Variants in DHX30 observed in about 807,000 individuals in gnomAD.
DHX30 encodes the protein DExH-box helicase 30.
Under a neutral mutation model 116.9 loss-of-function variants are expected in DHX30, and 4 were observed. The observed-to-expected ratio is 0.03, with a 90% CI of 0.02 to 0.08. The LOEUF is 0.08. Among genes scored for constraint, DHX30 ranks in the 10% least tolerant of loss-of-function variants. The pLI is 1.00. For missense variants in DHX30, 871 were observed against 1,595.1 expected (o/e 0.55, Z 7.73); for synonymous variants, 697 against 651.7 (o/e 1.07, Z -1.06).
chr3:47,803,142 T>C lies in DHX30; in HGVS notation c.-193T>C. 1 of 393,862 alleles carries C rather than the reference T, an allele frequency of 2.5e-6. No homozygotes were observed. Among genetic ancestry groups the C allele is most frequent in the Non-Finnish European group, 4.5e-6 (1 of 222,876 alleles). The allele number at this position is 393,862 out of a possible 1,614,324, so 24.4% of individuals were successfully genotyped here. On this transcript the variant is annotated 5_prime_UTR_variant, in exon 1 of 22. Coordinates refer to ENST00000445061, the MANE Select transcript of DHX30 (RefSeq NM_138615.3). Reference sequence around the variant, plus strand: ...GCGCCGCCGCTGCTGGGAGTTGTAGTCCGGCCGTGGTTGGGGGAGCCGCGG... The same window carrying C: ...GCGCCGCCGCTGCTGGGAGTTGTAGCCCGGCCGTGGTTGGGGGAGCCGCGG...
In DHX30 at chr3:47,849,618, T is replaced by C. The variant is rs1431438028; in HGVS notation, c.3192-12T>C. 16 of 1,614,000 alleles carry C rather than the reference T, an allele frequency of 9.9e-6. No homozygotes were observed. The African/African-American group carries it at 1.3e-4, about 13-fold the overall frequency. ...TCCAAAAGGGTGGCCTCACCAGCCC[T>C]GTGTTCCCTAGGGAGGCCACACGGT... On this transcript the variant is annotated splice_polypyrimidine_tract_variant and intron_variant, in intron 20 of 21. Coordinates refer to ENST00000445061, the MANE Select transcript of DHX30 (RefSeq NM_138615.3).
intron 6 of DHX30, 46 bp from the exon 7 acceptor site, chr3:47,840,831 G>A (rs1179190591): frequency 6.2e-7 from 1 of 1,611,420 alleles, no homozygotes; most frequent in Non-Finnish European, 8.5e-7. Flanking sequence ...GCCGACTGAG[G>A]TGTAAAGATG....
intron 4 of DHX30, chr3:47,819,275 C>G: frequency 7.3e-7 from 1 of 1,367,758 alleles, no homozygotes; most frequent in Non-Finnish European, 9.8e-7. Context: ...GTGAGTGGCT[C>G]TGAGAGTGTC....
At position 47,848,772 on chromosome 3, in the gene DHX30, G is replaced by A. The variant is rs2037738891; in HGVS notation, c.2724G>A (p.Arg908=). The part of the protein sequence containing the change: ...PLLVVVSCLT[R]DPFSSSLQNR... Reference sequence around the variant, plus strand: ...TGGTGGTCGTTTCCTGCCTCACCCGGGACCCCTTCAGCAGCAGCCTACAGA... The same window carrying A: ...TGGTGGTCGTTTCCTGCCTCACCCGAGACCCCTTCAGCAGCAGCCTACAGA... The change falls in exon 17 of 22, where the codon CGG becomes CGA. Residue 908 remains arginine (R), a synonymous_variant. Coordinates refer to ENST00000445061, the MANE Select transcript of DHX30 (RefSeq NM_138615.3). The surrounding 1 kb of genome is among the most constrained non-coding windows in gnomAD (Gnocchi z 9.4). 1 of 1,613,924 alleles carries A rather than the reference G, an allele frequency of 6.2e-7. No homozygotes were observed. The highest frequency in any genetic ancestry group is 8.5e-7 in the Non-Finnish European group (1 of 1,179,950).
At chr3:47,815,742 A>AG (rs2036022511) in intron 3 of DHX30, among the ~76,000 whole-genome samples, 6 of 150,104 alleles carry the variant, frequency 4.0e-5, no homozygotes, top group Non-Finnish European at 1.5e-5. Flanking sequence ...AAAAAAAAAA[A>AG]AAAAAAAAAG....
At chr3:47,830,564 G>T (rs912174299) in intron 6 of DHX30, among the ~76,000 whole-genome samples, 1 of 152,068 alleles carries the variant, frequency 6.6e-6, no homozygotes, top group African/African-American at 2.4e-5. Flanking sequence ...ACCTCCCAAA[G>T]TGCTGGGTTT....
intron 4 of DHX30, among the ~76,000 whole-genome samples, chr3:47,825,612 C>T (rs778844720): frequency 1.9e-4 from 29 of 152,226 alleles, no homozygotes; most frequent in Admixed American, 6.5e-5. Context: ...CCTGGGACAT[C>T]AGGATCTCAA....
chr3:47,847,363 A>G lies in DHX30; in HGVS notation c.2005+15A>G, dbSNP rs756778788. The G allele has an allele frequency of 1.2e-6, 2 of 1,614,016 alleles. No individual in the cohort carries two copies. Among genetic ancestry groups the G allele is most frequent in the African/African-American group, 1.3e-5 (1 of 74,902 alleles). On this transcript the variant is annotated intron_variant, in intron 12 of 21. Coordinates refer to ENST00000445061, the MANE Select transcript of DHX30 (RefSeq NM_138615.3). This position sits in a 1 kb window ranked among gnomAD's most constrained non-coding sequence, Gnocchi z 5.5. ...CGGGGAACCAGGTGGGTGCCTCCCC[A>G]TCTGTCCCATGCTAGCCCTGGCCAC...
In DHX30 at chr3:47,849,245, C is replaced by T; in HGVS notation, c.2983C>T (p.Pro995Ser). 6.2e-7 allele frequency: 1 copy of T among 1,614,136 alleles called. No homozygotes were observed. The highest frequency in any genetic ancestry group is 8.5e-7 in the Non-Finnish European group (1 of 1,180,034). Residue 995 changes from proline (P) to serine (S), a missense_variant, in exon 19 of 22, where the codon CCC becomes TCC. Coordinates refer to ENST00000445061, the MANE Select transcript of DHX30 (RefSeq NM_138615.3). ...NIYEAFLVGK[P>S]SDCTLASAQC... ...TTATGAGGCCTTCCTGGTGGGGAAG[C>T]CCTCGGACTGCACCCTGGCCTCCGC...
In DHX30 at chr3:47,843,254, A is replaced by AGGT. The variant is rs2037459751; in HGVS notation, c.939+1_939+3dup. ...GCAGCCTTGGCCTGCAAGAAACTGA[A>AGGT]GGTGAGTCCAGGAAGGTCCTGGGTG... On this transcript the variant is annotated inframe_insertion and splice_region_variant, in exon 9 of 22. Transcript: ENST00000445061. 1 of 1,614,126 alleles carries AGGT rather than the reference A, an allele frequency of 6.2e-7. No homozygotes were observed. The highest frequency in any genetic ancestry group is 1.3e-5 in the African/African-American group (1 of 74,950).
At chr3:47,834,471 TTTTA>T (rs975690692) in intron 6 of DHX30, among the ~76,000 whole-genome samples, 2 of 152,092 alleles carry the variant, frequency 1.3e-5, no homozygotes, top group Non-Finnish European at 2.9e-5. Flanking sequence ...ATGTTTTTAC[TTTTA>T]TTTATTTATT....
chr3:47,850,147 A>AGAGT lies in DHX30; in HGVS notation c.*29_*32dup. The AGAGT allele has an allele frequency of 2.7e-5, 42 of 1,557,838 alleles. No homozygotes were observed. Among genetic ancestry groups the AGAGT allele is most frequent in the Non-Finnish European group, 3.6e-5 (42 of 1,154,124 alleles). ...CCCTGCTTCTGCTGGGGCTGTGTAC[A>AGAGT]GAGTGCAAATGTTTATTTAAAATAA... On this transcript the variant is annotated 3_prime_UTR_variant, in exon 22 of 22. Transcript: ENST00000445061.
chr3:47,815,365 G>C (rs1280039676), intron 3 of DHX30, among the ~76,000 whole-genome samples: 2 of 152,150 alleles, frequency 1.3e-5, no homozygotes, highest in Non-Finnish European at 2.9e-5. Context: ...TGTGCTGTGA[G>C]GTTGCATGAT....
intron 9 of DHX30, among the ~76,000 whole-genome samples, chr3:47,845,249 A>G (rs1044011784): frequency 2.0e-5 from 3 of 152,086 alleles, no homozygotes; most frequent in Non-Finnish European, 4.4e-5. Context: ...GTGCACCGTC[A>G]TGATCTCGGC....
chr3:47,835,026 T>C (rs1377377232), intron 6 of DHX30, among the ~76,000 whole-genome samples: 1 of 151,914 alleles, frequency 6.6e-6, no homozygotes, highest in African/African-American at 2.4e-5. Flanking sequence ...TTTTTTGAGA[T>C]GGAGTCTTGC....
intron 1 of DHX30, among the ~76,000 whole-genome samples, chr3:47,805,017 G>T (rs1388839633): frequency 6.6e-6 from 1 of 152,182 alleles, no homozygotes; most frequent in Non-Finnish European, 1.5e-5. Flanking sequence ...ACTCAAAGTG[G>T]AAGTAGGTTT....
At position 47,827,490 on chromosome 3, in the gene DHX30, G is replaced by C; in HGVS notation, c.255+13G>C. 6.2e-7 allele frequency: 1 copy of C among 1,605,490 alleles called. No individual in the cohort carries two copies. The highest frequency in any genetic ancestry group is 8.5e-7 in the Non-Finnish European group (1 of 1,177,068). On this transcript the variant is annotated intron_variant, in intron 5 of 21. Transcript: ENST00000445061. ...ACCGAAGAAAAAGGTAACTCTGCTG[G>C]TGGCAAGGAAAAACATTGGTATGAC...
In DHX30 at chr3:47,847,245, G is replaced by A; in HGVS notation, c.1930-28G>A. 1 of 1,614,166 alleles carries A rather than the reference G, an allele frequency of 6.2e-7. No individual in the cohort carries two copies. Among genetic ancestry groups the A allele is most frequent in the South Asian group, 1.1e-5 (1 of 91,070 alleles). ...GCATGACCCCTTACCCCGGGGCTGT[G>A]ACTGTGGCCTCTCTTCCCCCACCCC... On this transcript the variant is annotated intron_variant, in intron 11 of 21. Transcript: ENST00000445061. The surrounding 1 kb of genome is among the most constrained non-coding windows in gnomAD (Gnocchi z 5.5).
At chr3:47,841,838 T>C in intron 8 of DHX30, 101 bp downstream of exon 8, 2 of 1,546,110 alleles carry the variant, frequency 1.3e-6, no homozygotes, top group Non-Finnish European at 1.8e-6. Context: ...GGTGTGTTCC[T>C]CCAGCCCAAA....
Sources: allele counts gnomAD v4.1 joint callset (sites outside exome capture counted in the v4.1 genomes callset), GRCh38; gene constraint gnomAD v4.1.1; non-coding constraint Gnocchi (gnomAD v3.1); transcripts MANE v1.5; gene names NCBI Gene and HGNC (gene_info 2026-07-23, HGNC 2026-07-21).